PRKCE: variants seen among roughly 807,000 people sequenced by gnomAD.
The protein encoded by PRKCE is protein kinase C epsilon type.
PRKCE carries 16 observed loss-of-function variants against 85.4 expected under a neutral mutation model. That is an observed-to-expected ratio of 0.19 (90% confidence interval 0.13 to 0.28). The LOEUF (loss-of-function observed/expected upper bound fraction) is 0.28. Among genes scored for constraint, PRKCE ranks in the 10% least tolerant of loss-of-function variants. The pLI is 1.00. For missense variants in PRKCE, 573 were observed against 975.2 expected, an observed-to-expected ratio of 0.59 and a Z score of 5.49; for synonymous variants, 388 against 371.5, an observed-to-expected ratio of 1.04 and a Z score of -0.51.
At chr2:45,859,082 AAATAAAT>A (rs754920265) in intron 2 of PRKCE, among the ~76,000 whole-genome samples, 4,119 of 145,658 alleles carry the variant, frequency 0.028, 89 homozygotes, top group Middle Eastern at 0.07. Context: ...ATAAATAAAT[AAATAAAT>A]AAAATAGTAT....
At chr2:46,101,094 C>T (rs770281520) in intron 11 of PRKCE, among the ~76,000 whole-genome samples, 1 of 152,132 alleles carries the variant, frequency 6.6e-6, no homozygotes, top group Non-Finnish European at 1.5e-5. Context: ...GTCTCAAACT[C>T]CTGACCTCGA....
At chr2:46,085,580 T>TGGA (rs1669526697) in intron 10 of PRKCE, among the ~76,000 whole-genome samples, 1 of 115,540 alleles carries the variant, frequency 8.7e-6, no homozygotes, top group African/African-American at 3.4e-5. Flanking sequence ...CTCCAATCTC[T>TGGA]GCCTCTGTGG....
chr2:45,764,887 T>C (rs1280708208), intron 1 of PRKCE, among the ~76,000 whole-genome samples: 1 of 152,240 alleles, frequency 6.6e-6, no homozygotes, highest in Non-Finnish European at 1.5e-5. Context: ...CTTGTTCTTA[T>C]GTCTCACACA....
intron 14 of PRKCE, among the ~76,000 whole-genome samples, chr2:46,169,971 T>C (rs1363961089): frequency 6.6e-6 from 1 of 152,208 alleles, no homozygotes; most frequent in African/African-American, 2.4e-5. Flanking sequence ...CTCTGCTCCT[T>C]TCCTGTAAAA....
At chr2:45,986,783 G>A (rs1703361081) in intron 6 of PRKCE, among the ~76,000 whole-genome samples, 1 of 152,138 alleles carries the variant, frequency 6.6e-6, no homozygotes, top group Non-Finnish European at 1.5e-5. Context: ...GAGCTTCCCG[G>A]CACCCCTGGA....
At chr2:45,994,456 C>T (rs1413822453) in intron 6 of PRKCE, among the ~76,000 whole-genome samples, 2 of 152,206 alleles carry the variant, frequency 1.3e-5, no homozygotes, top group Non-Finnish European at 2.9e-5. Context: ...CCCTCCCTCT[C>T]TCCTAACCCC....
At chr2:45,714,156 A>G (rs1437768393) in intron 1 of PRKCE, among the ~76,000 whole-genome samples, 1 of 152,246 alleles carries the variant, frequency 6.6e-6, no homozygotes, top group Non-Finnish European at 1.5e-5. Flanking sequence ...GGCAGACACG[A>G]TAGGCATGGC....
At chr2:46,022,300 C>T (rs1048721906) in intron 10 of PRKCE, among the ~76,000 whole-genome samples, 2 of 152,138 alleles carry the variant, frequency 1.3e-5, no homozygotes, top group Middle Eastern at 3.2e-3. Context: ...ATGACCTATA[C>T]GATCCCTCCA....
intron 2 of PRKCE, among the ~76,000 whole-genome samples, chr2:45,866,506 A>T (rs915563094): frequency 2.0e-5 from 3 of 151,868 alleles, no homozygotes; most frequent in African/African-American, 7.3e-5. Context: ...ACGGGGTTTC[A>T]CCGTGTTAGC....
At chr2:45,917,913 G>A (rs943501791) in intron 2 of PRKCE, among the ~76,000 whole-genome samples, 1 of 46,516 alleles carries the variant, frequency 2.1e-5, no homozygotes, top group Admixed American at 2.3e-4. Context: ...CCGCTGGCCC[G>A]GTGCTAAGCC....
chr2:46,170,756 G>A (rs548939884), intron 14 of PRKCE, among the ~76,000 whole-genome samples: 24 of 152,204 alleles, frequency 1.6e-4, no homozygotes, highest in Admixed American at 7.2e-4. Context: ...GGGTGACCTC[G>A]TCTTGACTTG....
At chr2:45,717,047 GAGA>G (rs1680186679) in intron 1 of PRKCE, among the ~76,000 whole-genome samples, 1 of 4,542 alleles carries the variant, frequency 2.2e-4, no homozygotes, top group Non-Finnish European at 3.6e-4. Context: ...ACTACAAGAT[GAGA>G]TGAGATTTGG....
intron 5 of PRKCE, among the ~76,000 whole-genome samples, chr2:45,983,363 C>T (rs1703045305): frequency 2.0e-5 from 3 of 152,160 alleles, no homozygotes; most frequent in Admixed American, 6.5e-5. Flanking sequence ...ACTTCCTAAT[C>T]CCCGGGGTAG....
intron 2 of PRKCE, among the ~76,000 whole-genome samples, chr2:45,939,954 G>T (rs1327845604): frequency 6.6e-6 from 1 of 152,204 alleles, no homozygotes; most frequent in Non-Finnish European, 1.5e-5. Flanking sequence ...TACTGGGCTG[G>T]CAGTGAATTG....
At chr2:46,115,574 T>C (rs1388507591) in intron 11 of PRKCE, among the ~76,000 whole-genome samples, 2 of 152,236 alleles carry the variant, frequency 1.3e-5, no homozygotes, top group Non-Finnish European at 2.9e-5. Flanking sequence ...TCATGCTGTG[T>C]ATATACAACA....
At chr2:45,999,265 A>T (rs1477754956) in intron 6 of PRKCE, among the ~76,000 whole-genome samples, 1 of 152,202 alleles carries the variant, frequency 6.6e-6, no homozygotes, top group African/African-American at 2.4e-5. Context: ...CTTACAAGGC[A>T]GATCACTGCC....
intron 5 of PRKCE, among the ~76,000 whole-genome samples, chr2:45,981,566 C>T (rs1318097978): frequency 6.6e-6 from 1 of 152,190 alleles, no homozygotes; most frequent in Non-Finnish European, 1.5e-5. Flanking sequence ...GCCCAGAGCA[C>T]CAACATTGTT....
At chr2:45,868,319 C>CAAAAA (rs371501864) in intron 2 of PRKCE, among the ~76,000 whole-genome samples, 155 of 35,904 alleles carry the variant, frequency 4.3e-3, no homozygotes, top group African/African-American at 5.0e-3. Flanking sequence ...CTTTCCTGTC[C>CAAAAA]AAAAAAAAAA....
chr2:45,782,081 A>G (rs1386454938), intron 1 of PRKCE, among the ~76,000 whole-genome samples: 1 of 152,230 alleles, frequency 6.6e-6, no homozygotes, highest in Admixed American at 6.5e-5. Flanking sequence ...GAAAGCTCAA[A>G]TTAAGGGCCA....
Sources: allele counts gnomAD v4.1 joint callset (sites outside exome capture counted in the v4.1 genomes callset), GRCh38; gene constraint gnomAD v4.1.1; transcripts MANE v1.5; gene names NCBI Gene and HGNC (gene_info 2026-07-23, HGNC 2026-07-21).